NAT10: variants seen among roughly 807,000 people sequenced by gnomAD.
The protein encoded by NAT10 is RNA cytidine acetyltransferase.
In NAT10, 109 loss-of-function variants were observed where a neutral mutation model predicts 132.2. The ratio of observed to expected loss-of-function variants is 0.82; its 90% CI spans 0.71 to 0.97. The LOEUF is 0.97. NAT10 is among the 50% of genes least tolerant of loss of function. The pLI, the probability that NAT10 is intolerant of heterozygous loss-of-function variation, is 0.00. For missense variants in NAT10, 1,184 were observed against 1,263.4 expected (o/e 0.94, Z 0.95); for synonymous variants, 479 against 478.0 (o/e 1.00, Z -0.03).
At chr11:34,131,009 C>A in intron 13 of NAT10, 72 bp downstream of exon 13, 2 of 1,573,646 alleles carry the variant, frequency 1.3e-6, no homozygotes, top group South Asian at 1.2e-5. Flanking sequence ...CTCGCTTCCC[C>A]TGTGACATCA....
intron 8 of NAT10, among the ~76,000 whole-genome samples, chr11:34,119,750 A>G (rs1851853916): frequency 6.6e-6 from 1 of 152,266 alleles, no homozygotes; most frequent in East Asian, 1.9e-4. Context: ...CGAAGGGGTC[A>G]TACTACAGAG....
rs749306426 is a variant in NAT10 at position 34,136,751 on chromosome 11, A to G, written c.2138A>G (p.Tyr713Cys). The G allele has an allele frequency of 1.7e-5, 27 of 1,613,974 alleles. No homozygotes were observed. Among genetic ancestry groups the G allele is most frequent in the Non-Finnish European group, 2.2e-5 (26 of 1,180,016 alleles). Residue 713 changes from tyrosine (Y) to cysteine (C), a missense_variant, in exon 20 of 29, where the codon TAT becomes TGT. By Grantham distance (194) the Tyr-to-Cys change is radical. Coordinates refer to ENST00000257829, the MANE Select transcript of NAT10 (RefSeq NM_024662.3). ...CGCCTGGATTACCTGGGTGTTTCCT[A>G]TGGCTTGACCCCCAGGCTCCTCAAG... ...AERLDYLGVS[Y>C]GLTPRLLKFW...
At chr11:34,130,675 A>T in intron 12 of NAT10, 138 bp from the exon 13 acceptor site, 1 of 1,129,114 alleles carries the variant, frequency 8.9e-7, no homozygotes, top group Admixed American at 2.2e-5. Context: ...GCTATGCTGG[A>T]AGTTCAGAGA....
chr11:34,141,544 T>C (rs1852332308), intron 25 of NAT10, among the ~76,000 whole-genome samples, 175 bp from the exon 26 acceptor site: 1 of 152,118 alleles, frequency 6.6e-6, no homozygotes, highest in Non-Finnish European at 1.5e-5. Context: ...TTGGTACATA[T>C]CCAGTCTGTG....
At chr11:34,142,732 C>G (rs778371513) in intron 27 of NAT10, among the ~76,000 whole-genome samples, 1 of 152,198 alleles carries the variant, frequency 6.6e-6, no homozygotes, top group Non-Finnish European at 1.5e-5. Context: ...ACCAAACAAG[C>G]AAAACACCCC....
At chr11:34,131,580 G>A in intron 14 of NAT10, 49 bp downstream of exon 14, 1 of 1,543,880 alleles carries the variant, frequency 6.5e-7, no homozygotes, top group Non-Finnish European at 8.8e-7. Context: ...GAGGGGCGGT[G>A]AAAGAATTCA....
intron 25 of NAT10, among the ~76,000 whole-genome samples, chr11:34,141,426 A>T (rs922792550): frequency 2.7e-4 from 41 of 151,472 alleles, no homozygotes; most frequent in Middle Eastern, 3.2e-3. Context: ...ACACACACAC[A>T]CACACACACA....
chr11:34,142,796 G>A (rs1454142743), intron 27 of NAT10, among the ~76,000 whole-genome samples: 1 of 152,182 alleles, frequency 6.6e-6, no homozygotes, highest in Non-Finnish European at 1.5e-5. Context: ...AGCTGTAGTG[G>A]TGCTGCCTCT....
intron 1 of NAT10, among the ~76,000 whole-genome samples, chr11:34,106,607 T>C (rs943930133): frequency 2.0e-5 from 3 of 152,168 alleles, no homozygotes; most frequent in African/African-American, 7.2e-5. Flanking sequence ...TTTTGCGGGA[T>C]CTTTATGTGG....
At chr11:34,143,757 T>C (rs1852384317) in intron 28 of NAT10, among the ~76,000 whole-genome samples, 5 of 152,348 alleles carry the variant, frequency 3.3e-5, no homozygotes, top group South Asian at 4.1e-4. Context: ...TTGTCAGCCA[T>C]GCCAGGGCAC....
At chr11:34,143,575 G>T in intron 28 of NAT10, 47 bp downstream of exon 28, 1 of 1,539,674 alleles carries the variant, frequency 6.5e-7, no homozygotes, top group Admixed American at 1.9e-5. Context: ...AGGCATTCTG[G>T]CCTCTCTGCT....
In NAT10 at chr11:34,141,772, G is replaced by T. The variant is rs1852337765; in HGVS notation, c.2766G>T (p.Lys922Asn). The T allele has an allele frequency of 1.9e-6, 3 of 1,613,974 alleles. No homozygotes were observed. The Admixed American group carries it at 5.0e-5, about 27-fold the overall frequency. Residue 922 changes from lysine to asparagine, a missense_variant, in exon 26 of 29, where the codon AAG (lysine) becomes AAT (asparagine). Lys to Asn is a moderately conservative substitution (Grantham distance 94, BLOSUM62 0). Coordinates refer to ENST00000257829, the MANE Select transcript of NAT10 (RefSeq NM_024662.3). ...KAIEEQMVAAKDVVMEPTMKT... is the reference protein window; with the variant it reads ...KAIEEQMVAANDVVMEPTMKT... ...TTGAGGAGCAGATGGTGGCAGCGAA[G>T]GATGTGGTCATGGAGCCCACGATGA...
At chr11:34,142,925 G>A (rs552314267) in intron 27 of NAT10, among the ~76,000 whole-genome samples, 2 of 152,300 alleles carry the variant, frequency 1.3e-5, no homozygotes, top group African/African-American at 2.4e-5. Context: ...TATGTGAGGT[G>A]GAGGTGGCCA....
chr11:34,139,341 G>C, intron 22 of NAT10, 44 bp from the exon 23 acceptor site: 1 of 1,610,710 alleles, frequency 6.2e-7, no homozygotes, highest in East Asian at 2.2e-5. Context: ...GGGGCTGCCG[G>C]GGATGCCTCC....
chr11:34,113,861 A>G, intron 5 of NAT10, 23 bp downstream of exon 5: 1 of 1,609,222 alleles, frequency 6.2e-7, no homozygotes, highest in South Asian at 1.1e-5. Context: ...TTTTTAACTT[A>G]ATTGTGAGGG....
rs573010987 is a variant in NAT10 at position 34,127,384 on chromosome 11, C to T, written c.1108-79C>T. On this transcript the variant is annotated intron_variant, in intron 11 of 28. Coordinates refer to ENST00000257829, the MANE Select transcript of NAT10 (RefSeq NM_024662.3). ...CAGGGAGAGAGAGGAAAGAGAACAT[C>T]CTTTATGATGAGTCGCCAGTAATCA... 1.9e-5 allele frequency: 26 copies of T among 1,385,356 alleles called. No homozygotes were observed. The African/African-American group carries it at 2.2e-4, about 12-fold the overall frequency. 85.8% of individuals were successfully genotyped at this position (1,385,356 alleles called of 1,614,324 possible).
intron 8 of NAT10, among the ~76,000 whole-genome samples, chr11:34,121,812 A>T (rs1388554738): frequency 2.2e-5 from 3 of 137,988 alleles, no homozygotes; most frequent in Non-Finnish European, 4.6e-5. Context: ...GTGAGCTGAG[A>T]TCATGCCACT....
chr11:34,138,718 C>T lies in NAT10; in HGVS notation c.2212-473C>T, dbSNP rs148415649. Among the ~76,000 whole-genome samples, 903 of 152,250 alleles carry T rather than the reference C, an allele frequency of 5.9e-3. 7 individuals carry two copies. Among genetic ancestry groups the T allele is most frequent in the African/African-American group, 0.02 (850 of 41,546 alleles). On this transcript the variant is annotated intron_variant, in intron 21 of 28. Transcript: ENST00000257829. ...GGAGTAAAAAATGTAAAAATAGTCA[C>T]AATTTTAACACCTAAAGAAGCCTGC...
At chr11:34,127,398 C>A (rs757169208) in intron 11 of NAT10, 65 bp from the exon 12 acceptor site, 105 of 1,441,892 alleles carry the variant, frequency 7.3e-5, no homozygotes, top group Non-Finnish European at 9.4e-5. Context: ...TATGATGAGT[C>A]GCCAGTAATC....
Sources: gnomAD v4.1 joint callset for allele counts (sites outside exome capture counted in the v4.1 genomes callset) on GRCh38, gnomAD v4.1.1 for gene constraint, MANE v1.5 for transcripts, NCBI Gene and HGNC (gene_info 2026-07-23, HGNC 2026-07-21) for gene names.